LGR6: variants seen among roughly 807,000 people sequenced by gnomAD.
LGR6 encodes leucine rich repeat containing G protein-coupled receptor 6.
A neutral mutation model predicts 69.4 loss-of-function variants in LGR6; 45 were observed. The ratio of observed to expected loss-of-function variants is 0.65; its 90% CI spans 0.51 to 0.83. The LOEUF (loss-of-function observed/expected upper bound fraction) is 0.83, where lower values mean the gene tolerates loss of function less well. Ranked by LOEUF, LGR6 falls within the 40% of genes least tolerant of loss-of-function variation. LGR6 has a pLI of 0.00. For synonymous variants in LGR6, 538 were observed against 555.0 expected, an observed-to-expected ratio of 0.97 and a Z score of 0.43; for missense variants, 1,108 against 1,246.7, an observed-to-expected ratio of 0.89 and a Z score of 1.68.
At chr1:202,231,229 T>C (rs1207448044) in intron 3 of LGR6, among the ~76,000 whole-genome samples, 1 of 152,200 alleles carries the variant, frequency 6.6e-6, no homozygotes, top group Non-Finnish European at 1.5e-5. Flanking sequence ...CAGTTGACAT[T>C]AGCTGTGTTT....
chr1:202,260,491 G>A (rs967148765), intron 4 of LGR6, among the ~76,000 whole-genome samples: 1 of 152,068 alleles, frequency 6.6e-6, no homozygotes, highest in Non-Finnish European at 1.5e-5. Flanking sequence ...GTGTCTCCAT[G>A]CCCAGCTAAT....
rs1188154563 is a variant in LGR6, at chr1:202,205,778, CAT to C, written c.212+11579_212+11580del. On this transcript the variant is annotated intron_variant, in intron 1 of 17. Coordinates refer to ENST00000367278, the MANE Select transcript of LGR6 (RefSeq NM_001017403.2). The stretch of plus-strand genomic sequence containing the variant: ...AAATACACACACACACCTCCAAACA[CAT>C]ACGCACACCTCCTTCAAACATACAC... 1.5e-3 allele frequency among the ~76,000 whole-genome samples: 220 copies of C among 147,982 alleles called. 4 individuals carry two copies. The highest frequency in any genetic ancestry group is 4.6e-4 in the Non-Finnish European group (31 of 66,988).
At chr1:202,213,806 G>A (rs1162437621) in intron 1 of LGR6, among the ~76,000 whole-genome samples, 1 of 152,188 alleles carries the variant, frequency 6.6e-6, no homozygotes, top group Non-Finnish European at 1.5e-5. Flanking sequence ...CAACTGCTAA[G>A]TGTTAGGGCC....
At chr1:202,240,922 G>A (rs1449369891) in intron 4 of LGR6, among the ~76,000 whole-genome samples, 1 of 152,142 alleles carries the variant, frequency 6.6e-6, no homozygotes, top group African/African-American at 2.4e-5. Flanking sequence ...TACATGAGAT[G>A]TTCTACGTAT....
intron 6 of LGR6, among the ~76,000 whole-genome samples, chr1:202,286,465 A>G (rs930785798): frequency 1.3e-5 from 2 of 152,188 alleles, no homozygotes; most frequent in African/African-American, 4.8e-5. Flanking sequence ...CAAGGCAGGA[A>G]TTGTGTATCC....
chr1:202,212,821 A>G (rs1659513404), intron 1 of LGR6, among the ~76,000 whole-genome samples: 1 of 152,074 alleles, frequency 6.6e-6, no homozygotes, highest in African/African-American at 2.4e-5. Flanking sequence ...CCATTCATCC[A>G]CCACACTTTC....
At chr1:202,221,320 A>G (rs1295945440) in intron 1 of LGR6, among the ~76,000 whole-genome samples, 1 of 151,940 alleles carries the variant, frequency 6.6e-6, no homozygotes, top group Non-Finnish European at 1.5e-5. Context: ...CCCTCTTATC[A>G]AACCTGTTCC....
chr1:202,227,300 C>T (rs1021579674), intron 2 of LGR6, among the ~76,000 whole-genome samples: 8 of 152,204 alleles, frequency 5.3e-5, no homozygotes, highest in African/African-American at 1.9e-4. Flanking sequence ...GAATCATCCA[C>T]CATTAAATTC....
intron 6 of LGR6, among the ~76,000 whole-genome samples, chr1:202,293,618 A>G (rs958837032): frequency 6.6e-6 from 1 of 152,094 alleles, no homozygotes; most frequent in Admixed American, 6.5e-5. Context: ...AGGAGCGGAG[A>G]GAGTTGCAAA....
chr1:202,267,485 A>G (rs1664766762), intron 4 of LGR6, among the ~76,000 whole-genome samples: 1 of 152,166 alleles, frequency 6.6e-6, no homozygotes, highest in African/African-American at 2.4e-5. Context: ...CAGGCCTTTC[A>G]GGACAAGCTC....
chr1:202,319,247 CCT>C lies in LGR6; in HGVS notation c.*46_*47del, dbSNP rs752697070. ...TCTTCTCTTCCCCTCTCTTCCCTTT[CCT>C]CTCTCCCCCTCGGTGAATGATGGCT... On this transcript the variant is annotated 3_prime_UTR_variant, in exon 18 of 18. Coordinates refer to ENST00000367278, the MANE Select transcript of LGR6 (RefSeq NM_001017403.2). The C allele has an allele frequency of 6.6e-7, 1 of 1,508,084 alleles. No homozygotes were observed. Among genetic ancestry groups the C allele is most frequent in the Admixed American group, 2.3e-5 (1 of 43,360 alleles). The allele number at this position is 1,508,084 out of a possible 1,614,324, so 93.4% of individuals were successfully genotyped here.
At chr1:202,310,393 T>G (rs1318772310) in intron 16 of LGR6, 36 bp downstream of exon 16, 3 of 1,604,260 alleles carry the variant, frequency 1.9e-6, no homozygotes, top group Non-Finnish European at 2.6e-6. Context: ...GGGAGGGTAG[T>G]GGGCTGTGGA....
In LGR6 at chr1:202,319,487, C is replaced by G; in HGVS notation, c.*280C>G. 1 of 394,506 alleles carries G rather than the reference C, an allele frequency of 2.5e-6. No individual in the cohort carries two copies. Among genetic ancestry groups the G allele is most frequent in the East Asian group, 4.2e-5 (1 of 24,012 alleles). The allele number at this position is 394,506 out of a possible 1,614,324, so 24.4% of individuals were successfully genotyped here. ...GACCAGAGACCTGGACTTTTGTCTGCTTAAGGGAAATGAGGGAAGTAAAGA... is the reference window on the plus strand; with the variant it reads ...GACCAGAGACCTGGACTTTTGTCTGGTTAAGGGAAATGAGGGAAGTAAAGA... On this transcript the variant is annotated 3_prime_UTR_variant, in exon 18 of 18. Coordinates refer to ENST00000367278, the MANE Select transcript of LGR6 (RefSeq NM_001017403.2).
intron 6 of LGR6, among the ~76,000 whole-genome samples, chr1:202,294,508 C>G (rs1667006933): frequency 6.6e-6 from 1 of 152,180 alleles, no homozygotes; most frequent in South Asian, 2.1e-4. Context: ...TCAACTAGGT[C>G]TAGGAGGTCT....
At chr1:202,237,866 G>A (rs185093935) in intron 4 of LGR6, among the ~76,000 whole-genome samples, 3 of 152,048 alleles carry the variant, frequency 2.0e-5, no homozygotes, top group African/African-American at 7.2e-5. Context: ...CGTGACTACT[G>A]TGTCATTTGC....
chr1:202,306,734 C>A, intron 12 of LGR6, 134 bp from the exon 13 acceptor site: 1 of 819,710 alleles, frequency 1.2e-6, no homozygotes, highest in Non-Finnish European at 2.0e-6. Context: ...CTGGTGACTT[C>A]CTCGGGCTGG....
At chr1:202,289,348 G>A (rs1666626984) in intron 6 of LGR6, among the ~76,000 whole-genome samples, 1 of 152,202 alleles carries the variant, frequency 6.6e-6, no homozygotes, top group Non-Finnish European at 1.5e-5. Context: ...GAATCTCAGA[G>A]ATGATTCCTC....
chr1:202,224,116 C>T (rs1374162197), intron 1 of LGR6, among the ~76,000 whole-genome samples: 1 of 151,778 alleles, frequency 6.6e-6, no homozygotes, highest in Non-Finnish European at 1.5e-5. Context: ...GACCTCAGGG[C>T]CTTTTGACTT....
intron 4 of LGR6, among the ~76,000 whole-genome samples, chr1:202,238,811 G>A (rs971439140): frequency 6.6e-6 from 1 of 152,080 alleles, no homozygotes; most frequent in African/African-American, 2.4e-5. Flanking sequence ...GTGAAGAGGC[G>A]GGGAATAACG....
Sources: allele counts gnomAD v4.1 joint callset (sites outside exome capture counted in the v4.1 genomes callset), GRCh38; gene constraint gnomAD v4.1.1; transcripts MANE v1.5; gene names NCBI Gene and HGNC (gene_info 2026-07-23, HGNC 2026-07-21).